The following HLTF variants were observed in gnomAD, a reference collection of about 807,000 sequenced individuals.
HLTF encodes the protein helicase like transcription factor, also known as DNA-dependent ATPase/E3 ubiquitin-protein ligase HLTF.
Under a neutral mutation model 129.4 loss-of-function variants are expected in HLTF, and 127 were observed. The observed-to-expected ratio is 0.98, with a 90% CI of 0.85 to 1.14. The LOEUF (loss-of-function observed/expected upper bound fraction) is 1.14, where lower values mean the gene tolerates loss of function less well. Among genes scored for constraint, HLTF ranks in the 50% most tolerant of loss-of-function variants. The probability of loss-of-function intolerance (pLI) is 0.00; values close to 1 mark genes in which losing one functional copy is unlikely to be tolerated. For synonymous variants in HLTF, 332 were observed against 388.8 expected (o/e 0.85, Z 1.72); for missense variants, 1,139 against 1,187.1 (o/e 0.96, Z 0.60).
At chr3:149,070,081 T>A (rs1718719791) in intron 7 of HLTF, among the ~76,000 whole-genome samples, 1 of 151,558 alleles carries the variant, frequency 6.6e-6, no homozygotes, top group Non-Finnish European at 1.5e-5. Context: ...CACAAATAGA[T>A]TTTAACAAAA....
At chr3:149,043,737 A>C (rs1238646442) in intron 18 of HLTF, among the ~76,000 whole-genome samples, 4 of 152,176 alleles carry the variant, frequency 2.6e-5, no homozygotes, top group Non-Finnish European at 5.9e-5. Flanking sequence ...ACAAATTTTT[A>C]GAGCTAGCTG....
chr3:149,041,564 T>C lies in HLTF; in HGVS notation c.2302A>G (p.Thr768Ala). 1.9e-6 allele frequency: 3 copies of C among 1,613,146 alleles called. No homozygotes were observed. Among genetic ancestry groups the C allele is most frequent in the Non-Finnish European group, 2.5e-6 (3 of 1,179,256 alleles). ...EECAICLDSL[T>A]VPVITHCAHV... Reference sequence around the variant, plus strand: ...GCACAATGTGTTATCACAGGAACTGTTAAAGAATCCAGGCAAATTGCACAT... The same window carrying C: ...GCACAATGTGTTATCACAGGAACTGCTAAAGAATCCAGGCAAATTGCACAT... Residue 768 changes from threonine to alanine, a missense_variant, in exon 20 of 25, where the codon ACA (threonine) becomes GCA (alanine). Thr to Ala is a moderately conservative substitution (Grantham distance 58, BLOSUM62 0). Coordinates refer to ENST00000310053, the MANE Select transcript of HLTF (RefSeq NM_003071.4).
intron 8 of HLTF, among the ~76,000 whole-genome samples, chr3:149,067,223 A>G (rs930867738): frequency 7.9e-5 from 12 of 151,522 alleles, no homozygotes; most frequent in Non-Finnish European, 1.6e-4. Flanking sequence ...TTTTCAAGAA[A>G]AGTCACCCTT....
chr3:149,079,602 T>G (rs980011410), intron 2 of HLTF, among the ~76,000 whole-genome samples: 1 of 151,954 alleles, frequency 6.6e-6, no homozygotes, highest in African/African-American at 2.4e-5. Context: ...TTTTCTTTGT[T>G]GTTGTTTTTT....
At chr3:149,082,933 T>C (rs1719996428) in intron 2 of HLTF, among the ~76,000 whole-genome samples, 1 of 152,168 alleles carries the variant, frequency 6.6e-6, no homozygotes, top group African/African-American at 2.4e-5. Context: ...CTTCAGAAGA[T>C]TTAATGCCTT....
At chr3:149,071,784 T>G in intron 5 of HLTF, 127 bp from the exon 6 acceptor site, 1 of 659,810 alleles carries the variant, frequency 1.5e-6, no homozygotes, top group Non-Finnish European at 2.6e-6. Flanking sequence ...TGGTGGCTCA[T>G]GCCAATAATC....
In HLTF at chr3:149,074,328, T is replaced by C; in HGVS notation, c.416A>G (p.Asn139Ser). The change falls in exon 4 of 25, where the codon AAC (asparagine) becomes AGC (serine). Residue 139 changes from asparagine (N) to serine (S), a missense_variant. Physicochemically the swap from Asn to Ser is conservative, Grantham distance 46. Coordinates refer to ENST00000310053, the MANE Select transcript of HLTF (RefSeq NM_003071.4). Reference sequence around the variant, plus strand: ...ATGCAGAGGCATGGTAAAAGCATTGTTTGCACCAAAAGGAACTACCCTATT... The same window carrying C: ...ATGCAGAGGCATGGTAAAAGCATTGCTTGCACCAAAAGGAACTACCCTATT... ...QIEGVVPFGA[N>S]NAFTMPLHMT... 1 of 1,612,556 alleles carries C rather than the reference T, an allele frequency of 6.2e-7. No individual in the cohort carries two copies. Among genetic ancestry groups the C allele is most frequent in the Non-Finnish European group, 8.5e-7 (1 of 1,179,434 alleles).
chr3:149,052,579 GAAGATCTCTGCA>G (rs1039153634), intron 14 of HLTF, among the ~76,000 whole-genome samples: 2 of 152,178 alleles, frequency 1.3e-5, no homozygotes, highest in African/African-American at 4.8e-5. Context: ...ATTGAAGTCT[GAAGATCTCTGCA>G]AAGGGAGTTT....
chr3:149,041,648 G>A lies in HLTF; in HGVS notation c.2218C>T (p.Leu740=), dbSNP rs547975694. The change falls in exon 20 of 25, where the codon CTG becomes TTG. Residue 740 remains leucine (L), a synonymous_variant. Coordinates refer to ENST00000310053, the MANE Select transcript of HLTF (RefSeq NM_003071.4). ...ATCTTCCTTATTAACTTCTTTCTCA[G>A]TTCTTCAGGTGTATCATTTCCTAGA... The part of the protein sequence containing the change: ...GPSGNDTPEE[L]RKKLIRKMKL... 1.2e-6 allele frequency: 2 copies of A among 1,610,574 alleles called. No homozygotes were observed. Among genetic ancestry groups the A allele is most frequent in the South Asian group, 2.2e-5 (2 of 90,860 alleles).
intron 24 of HLTF, among the ~76,000 whole-genome samples, chr3:149,034,137 C>T (rs1011081388): frequency 2.0e-5 from 3 of 152,046 alleles, no homozygotes; most frequent in African/African-American, 7.2e-5. Flanking sequence ...TAGAACAGCA[C>T]TTTTTTGGCC....
chr3:149,032,950 G>A (rs554700556), intron 24 of HLTF, among the ~76,000 whole-genome samples: 43 of 121,544 alleles, frequency 3.5e-4, no homozygotes, highest in African/African-American at 5.8e-4. Flanking sequence ...GTGACAGAGC[G>A]ACGTCTCAAA....
intron 13 of HLTF, among the ~76,000 whole-genome samples, chr3:149,057,094 C>T (rs867056566): frequency 9.6e-5 from 9 of 93,668 alleles, no homozygotes; most frequent in Admixed American, 1.6e-4. Context: ...TGGGCGACAG[C>T]GAGACTCCGT....
chr3:149,032,360 C>T lies in HLTF; in HGVS notation c.2890G>A (p.Asp964Asn), dbSNP rs1715147891. 1 of 1,521,198 alleles carries T rather than the reference C, an allele frequency of 6.6e-7. No individual in the cohort carries two copies. The highest frequency in any genetic ancestry group is 2.4e-5 in the East Asian group (1 of 42,080). 94.2% of individuals were successfully genotyped at this position (1,521,198 alleles called of 1,614,324 possible). ...EVIITKFIVK[D>N]SVEENMLKIQ... ...TTCAGCATATTTTCTTCAACAGAGTCCTTTACAATGAACTTTAAAAAGAAA... is the reference window on the plus strand; with the variant it reads ...TTCAGCATATTTTCTTCAACAGAGTTCTTTACAATGAACTTTAAAAAGAAA... Residue 964 changes from aspartate to asparagine, a missense_variant, in exon 25 of 25, where the codon GAC becomes AAC. Coordinates refer to ENST00000310053, the MANE Select transcript of HLTF (RefSeq NM_003071.4).
chr3:149,073,140 C>T (rs897792002), intron 5 of HLTF, 85 bp downstream of exon 5: 57 of 741,090 alleles, frequency 7.7e-5, no homozygotes, highest in Non-Finnish European at 1.1e-4. Context: ...AATACCCACA[C>T]GTACATATTC....
rs1044754421 is a variant in HLTF, at chr3:149,030,386, C to CA, written c.*1833dup. 5 of 151,864 alleles carry CA rather than the reference C, an allele frequency of 3.3e-5. No homozygotes were observed. The highest frequency in any genetic ancestry group is 1.2e-4 in the African/African-American group (5 of 41,324). 9.4% of individuals were successfully genotyped at this position (151,864 alleles called of 1,614,324 possible). A position where few individuals can be genotyped will look rare whatever the true frequency, so the allele number is the denominator to read the frequency against. The stretch of plus-strand genomic sequence containing the variant: ...CAACATCTAACAGAACTGTACAAAA[C>CA]AAAGAGACATTTTTTAAACAACTTG... On this transcript the variant is annotated 3_prime_UTR_variant, in exon 25 of 25. Coordinates refer to ENST00000310053, the MANE Select transcript of HLTF (RefSeq NM_003071.4).
chr3:149,033,515 C>A (rs1452713211), intron 24 of HLTF, among the ~76,000 whole-genome samples: 1 of 151,770 alleles, frequency 6.6e-6, no homozygotes, highest in Non-Finnish European at 1.5e-5. Context: ...CTTTAGGAAA[C>A]CATAGTTGTT....
chr3:149,036,506 C>G (rs2107951785), intron 23 of HLTF, among the ~76,000 whole-genome samples: 1 of 152,148 alleles, frequency 6.6e-6, no homozygotes, highest in Admixed American at 6.5e-5. Context: ...CCAAGATGGT[C>G]TCAATCTCTT....
intron 14 of HLTF, among the ~76,000 whole-genome samples, chr3:149,052,644 G>A (rs1559864884): frequency 6.6e-6 from 1 of 152,082 alleles, no homozygotes; most frequent in African/African-American, 2.4e-5. Context: ...AAGGACTGAA[G>A]AAAGTATTAA....
chr3:149,074,852 T>C (rs1719210048), intron 3 of HLTF, among the ~76,000 whole-genome samples: 1 of 152,120 alleles, frequency 6.6e-6, no homozygotes, highest in Non-Finnish European at 1.5e-5. Flanking sequence ...TCCTAAAAAT[T>C]AGAATTAGAA....
Sources: gnomAD v4.1 joint callset for allele counts (sites outside exome capture counted in the v4.1 genomes callset) on GRCh38, gnomAD v4.1.1 for gene constraint, MANE v1.5 for transcripts, NCBI Gene and HGNC (gene_info 2026-07-23, HGNC 2026-07-21) for gene names.